Variants in ZNF483 observed in about 807,000 individuals in gnomAD.
The protein encoded by ZNF483 is zinc finger protein HIT-10.
ZNF483 carries 9 observed loss-of-function variants against 28.6 expected under a neutral mutation model. That is an observed-to-expected ratio of 0.32 (90% CI 0.19 to 0.55). ZNF483 has a LOEUF of 0.55. Ranked by LOEUF, ZNF483 falls within the 20% of genes least tolerant of loss-of-function variation. The pLI is 0.93. For synonymous variants in ZNF483, 322 were observed against 306.2 expected (o/e 1.05, Z -0.54); for missense variants, 675 against 871.7 (o/e 0.77, Z 2.84).
chr9:111,559,418 T>TGCCCCTGCC (rs1440961513), downstream of ZNF483, among the ~76,000 whole-genome samples: 29 of 152,142 alleles, frequency 1.9e-4, no homozygotes, highest in African/African-American at 7.0e-4. Flanking sequence ...CAGGCCCTGC[T>TGCCCCTGCC]GCCCCTGCCC....
chr9:111,546,220 T>C lies in ZNF483; in HGVS notation c.*3050T>C, dbSNP rs1006767608. Among the ~76,000 whole-genome samples, 1 of 152,202 alleles carries C rather than the reference T, an allele frequency of 6.6e-6. No individual in the cohort carries two copies. The highest frequency in any genetic ancestry group is 2.4e-5 in the African/African-American group (1 of 41,466). ...TATCTTAGTGAAATGTTTATTCAGA[T>C]TTTTTGTCCATTTAAAATTGGAGTT... On this transcript the variant is annotated 3_prime_UTR_variant, in exon 6 of 6. Transcript: ENST00000309235.
downstream of ZNF483, among the ~76,000 whole-genome samples, chr9:111,558,353 T>C (rs1428447605): frequency 6.6e-6 from 1 of 152,112 alleles, no homozygotes. Context: ...ATGACTTCAT[T>C]ATTCTTTGAG....
intron 3 of ZNF483, 80 bp downstream of exon 3, chr9:111,531,043 A>G: frequency 1.6e-6 from 1 of 631,966 alleles, no homozygotes; most frequent in Non-Finnish European, 2.5e-6. Flanking sequence ...ATATAAAAAT[A>G]AAAGGCTAGG....
rs377444137 is a variant in ZNF483, at chr9:111,554,241, A to T, written c.*11071A>T. On this transcript the variant is annotated 3_prime_UTR_variant, in exon 6 of 6. Transcript: ENST00000309235. ...TGGGTTTTTTGTTTGTTTGCCTGGG[A>T]GCATTGTGGAAAAATGGCCATGGTA... Among the ~76,000 whole-genome samples, 191 of 152,310 alleles carry T rather than the reference A, an allele frequency of 1.3e-3. 4 individuals carry two copies. The South Asian group carries it at 0.038, about 30-fold the overall frequency.
At position 111,527,322 on chromosome 9, in the gene ZNF483, A is replaced by G; in HGVS notation, c.-74A>G. On this transcript the variant is annotated 5_prime_UTR_variant, in exon 2 of 6. Transcript: ENST00000309235. The stretch of plus-strand genomic sequence containing the variant: ...GAACCTTTGATATTCCTGGCTGTGT[A>G]TAGTGCCTGTTGGTGGACTGTACTG... 6.7e-7 allele frequency: 1 copy of G among 1,484,566 alleles called. No homozygotes were observed. Among genetic ancestry groups the G allele is most frequent in the Non-Finnish European group, 9.1e-7 (1 of 1,095,418 alleles). The allele number at this position is 1,484,566 out of a possible 1,614,324, so 92.0% of individuals were successfully genotyped here.
At position 111,572,649 on chromosome 9, in the gene ZNF483, C is replaced by T. The variant is rs1039894787; in HGVS notation, c.722-3716C>T. Among the ~76,000 whole-genome samples the T allele has an allele frequency of 2.7e-5, 4 of 145,682 alleles. No homozygotes were observed. The Admixed American group carries it at 2.8e-4, about 10-fold the overall frequency. The stretch of plus-strand genomic sequence containing the variant: ...GCACATGTCTGTAGTCTCAGCTACT[C>T]GGGAGGCTGAGGTGGGAGGATCACT... On this transcript the variant is annotated intron_variant, in intron 5 of 5. Coordinates refer to the ZNF483 transcript ENST00000358151.
intron 5 of ZNF483, chr9:111,569,970 C>T: frequency 6.8e-7 from 1 of 1,479,168 alleles, no homozygotes; most frequent in Non-Finnish European, 9.2e-7. Context: ...CACAATGACC[C>T]AATAGGGAAA....
In ZNF483 at chr9:111,544,202, G is replaced by A. The variant is rs557296032; in HGVS notation, c.*1032G>A. 2 of 985,444 alleles carry A rather than the reference G, an allele frequency of 2.0e-6. No individual in the cohort carries two copies. The highest frequency in any genetic ancestry group is 3.5e-5 in the African/African-American group (2 of 57,352). 61.0% of individuals were successfully genotyped at this position (985,444 alleles called of 1,614,324 possible). A position where few individuals can be genotyped will look rare whatever the true frequency, so the allele number is the denominator to read the frequency against. On this transcript the variant is annotated 3_prime_UTR_variant, in exon 6 of 6. Coordinates refer to ENST00000309235, the MANE Select transcript of ZNF483 (RefSeq NM_133464.5). ...GGTAAGGAAATGTGCTGAAGACAGA[G>A]CTATTCTGGATGGATTTTGGTTTGC... is the stretch of plus-strand genomic sequence containing the variant.
chr9:111,531,025 G>T, intron 3 of ZNF483, 62 bp downstream of exon 3: 3 of 769,678 alleles, frequency 3.9e-6, no homozygotes, highest in South Asian at 4.0e-5. Context: ...CTACTGAGTG[G>T]TATAAAGATA....
At chr9:111,564,220 CAA>C in intron 5 of ZNF483, 1 of 1,079,366 alleles carries the variant, frequency 9.3e-7, no homozygotes, top group Non-Finnish European at 1.1e-6. Flanking sequence ...GATTTATAGA[CAA>C]GATTATTTGC....
chr9:111,559,720 C>T (rs1828221207), downstream of ZNF483, among the ~76,000 whole-genome samples: 1 of 152,176 alleles, frequency 6.6e-6, no homozygotes, highest in African/African-American at 2.4e-5. Flanking sequence ...CCTCTTTGCT[C>T]TGCTGTGGGC....
intron 5 of ZNF483, among the ~76,000 whole-genome samples, chr9:111,569,087 T>C (rs1205529086): frequency 3.3e-5 from 5 of 152,196 alleles, no homozygotes; most frequent in South Asian, 2.1e-4. Context: ...TCAAAATATA[T>C]TTAGTTTTCA....
chr9:111,540,160 G>C (rs1827638108), intron 5 of ZNF483, among the ~76,000 whole-genome samples: 2 of 151,948 alleles, frequency 1.3e-5, no homozygotes, highest in Admixed American at 1.3e-4. Context: ...TTTTTAAAAA[G>C]AAAAATTAGC....
chr9:111,527,681 G>A lies in ZNF483; in HGVS notation c.286G>A (p.Val96Met). 1 of 1,614,130 alleles carries A rather than the reference G, an allele frequency of 6.2e-7. No homozygotes were observed. Among genetic ancestry groups the A allele is most frequent in the African/African-American group, 1.3e-5 (1 of 75,048 alleles). ...HTKEQILELL[V>M]FEQFLTILPG... ...GAAAGAACAGATTTTAGAGCTTCTG[G>A]TGTTTGAGCAGTTCCTGACCATTTT... The change falls in exon 2 of 6, where the codon GTG becomes ATG. Residue 96 changes from valine (V) to methionine (M), a missense_variant. Val to Met is a conservative substitution (Grantham distance 21). Around this residue, in one of 6 missense-constraint regions of ZNF483, gnomAD observed 525 missense variants for 581.8 expected, o/e 0.90. Coordinates refer to ENST00000309235, the MANE Select transcript of ZNF483 (RefSeq NM_133464.5).
Position 111,549,446 on chromosome 9 carries a change from C to G in ZNF483, c.*6276C>G, listed in dbSNP as rs556642955. 6.6e-6 allele frequency among the ~76,000 whole-genome samples: 1 copy of G among 152,272 alleles called. No individual in the cohort carries two copies. The highest frequency in any genetic ancestry group is 2.1e-4 in the South Asian group (1 of 4,808). On this transcript the variant is annotated 3_prime_UTR_variant, in exon 6 of 6. Transcript: ENST00000309235. ...TTTGGTGCTCAGTAAGTTGTGATTT[C>G]CAAGCAAAGTGTTTTTCACCCTGAG...
downstream of ZNF483, among the ~76,000 whole-genome samples, chr9:111,555,944 T>C (rs1430072344): frequency 6.6e-6 from 1 of 152,176 alleles, no homozygotes; most frequent in African/African-American, 2.4e-5. Flanking sequence ...CTTAACTCAT[T>C]CTAGCATTAA....
At position 111,550,120 on chromosome 9, in the gene ZNF483, A is replaced by G. The variant is rs990472628; in HGVS notation, c.*6950A>G. 5.9e-5 allele frequency among the ~76,000 whole-genome samples: 9 copies of G among 152,220 alleles called. No individual in the cohort carries two copies. The highest frequency in any genetic ancestry group is 2.2e-4 in the African/African-American group (9 of 41,522). ...TACTGTCATAGGCTGTCTCTGTGCT[A>G]GGGATCAGCCTGTGTTGAATGCCTA... On this transcript the variant is annotated 3_prime_UTR_variant, in exon 6 of 6. Coordinates refer to ENST00000309235, the MANE Select transcript of ZNF483 (RefSeq NM_133464.5).
At chr9:111,561,147 G>GAGAGAGAGA (rs1491187821) in intron 5 of ZNF483, among the ~76,000 whole-genome samples, 2 of 44,666 alleles carry the variant, frequency 4.5e-5, no homozygotes, top group African/African-American at 1.5e-4. Context: ...AGGAGAGAGA[G>GAGAGAGAGA]GGAGAGAGAG....
rs188788786 is a variant in ZNF483 at position 111,551,953 on chromosome 9, A to G, written c.*8783A>G. ...ATTTATTACATTTAAAATTTTGTGC[A>G]TATTGTCTCATTTGAAAAATGTGAG... is the stretch of plus-strand genomic sequence containing the variant. On this transcript the variant is annotated 3_prime_UTR_variant, in exon 6 of 6. Coordinates refer to ENST00000309235, the MANE Select transcript of ZNF483 (RefSeq NM_133464.5). 6.6e-6 allele frequency among the ~76,000 whole-genome samples: 1 copy of G among 151,870 alleles called. No individual in the cohort carries two copies. The highest frequency in any genetic ancestry group is 6.6e-5 in the Admixed American group (1 of 15,240).
Sources: gnomAD v4.1 joint callset for allele counts (sites outside exome capture counted in the v4.1 genomes callset) on GRCh38, gnomAD v4.1.1 for gene constraint, gnomAD v4.1.1 regional missense constraint, MANE v1.5 for transcripts, NCBI Gene and HGNC (gene_info 2026-07-23, HGNC 2026-07-21) for gene names.